The following XKR6 variants were observed in gnomAD, a reference collection of about 807,000 sequenced individuals.
XKR6 encodes the protein XK-related protein 6.
Under a neutral mutation model 56.7 loss-of-function variants are expected in XKR6, and 22 were observed. The observed-to-expected ratio is 0.39, with a 90% CI of 0.28 to 0.55. The LOEUF (loss-of-function observed/expected upper bound fraction) is 0.55. Among genes scored for constraint, XKR6 ranks in the 20% least tolerant of loss-of-function variants. XKR6 has a pLI of 0.66. For synonymous variants in XKR6, 524 were observed against 387.8 expected (o/e 1.35, Z -4.13); for missense variants, 852 against 889.0 (o/e 0.96, Z 0.53).
intron 1 of XKR6, among the ~76,000 whole-genome samples, chr8:11,196,237 C>T (rs912117805): frequency 6.6e-6 from 1 of 152,140 alleles, no homozygotes; most frequent in African/African-American, 2.4e-5. Context: ...GTTATGTTTC[C>T]TCAAGCCTAT....
intron 1 of XKR6, among the ~76,000 whole-genome samples, chr8:11,012,374 A>G (rs1367973977): frequency 2.6e-5 from 4 of 152,220 alleles, no homozygotes. Context: ...GACAGCACCT[A>G]TATCTTAAGA....
rs1804140464 is a variant in XKR6 at position 11,200,357 on chromosome 8, G to C, written c.764+219C>G. On this transcript the variant is annotated intron_variant, in intron 1 of 2. Transcript: ENST00000416569. The surrounding 1 kb of genome is among the most constrained non-coding windows in gnomAD (Gnocchi z 6.4). ...CCCGCCGAGTGCGAAGCGGGGACGA[G>C]GACGGGCCAACGGCAGGTCTCGGCC... is the stretch of plus-strand genomic sequence containing the variant. Among the ~76,000 whole-genome samples the C allele has an allele frequency of 6.6e-6, 1 of 152,234 alleles. No homozygotes were observed. Among genetic ancestry groups the C allele is most frequent in the African/African-American group, 2.4e-5 (1 of 41,466 alleles).
At chr8:11,112,217 T>C (rs1255544236) in intron 1 of XKR6, among the ~76,000 whole-genome samples, 1 of 152,240 alleles carries the variant, frequency 6.6e-6, no homozygotes, top group Non-Finnish European at 1.5e-5. Context: ...GTTGTCATCA[T>C]GGTGACAGAC....
chr8:11,071,911 C>T (rs1354226522), intron 1 of XKR6, among the ~76,000 whole-genome samples: 1 of 152,210 alleles, frequency 6.6e-6, no homozygotes, highest in South Asian at 2.1e-4. Context: ...AATATATGCA[C>T]TACACCAAGA....
At chr8:10,922,635 G>C (rs533257788) in intron 2 of XKR6, among the ~76,000 whole-genome samples, 1 of 152,262 alleles carries the variant, frequency 6.6e-6, no homozygotes, top group South Asian at 2.1e-4. Flanking sequence ...TTTTCTCAGC[G>C]ATCCTGTGAG....
chr8:11,187,150 T>C (rs529834685), intron 1 of XKR6, among the ~76,000 whole-genome samples: 86 of 152,340 alleles, frequency 5.6e-4, no homozygotes, highest in African/African-American at 2.0e-3. Flanking sequence ...GTAAAACCAT[T>C]CCTGCTTCAT....
At chr8:11,110,126 C>T (rs563028690) in intron 1 of XKR6, among the ~76,000 whole-genome samples, 2 of 152,100 alleles carry the variant, frequency 1.3e-5, no homozygotes, top group Non-Finnish European at 2.9e-5. Context: ...GTGCCCGCCA[C>T]CACATCCGGC....
chr8:10,980,989 A>G (rs564626991), intron 1 of XKR6, among the ~76,000 whole-genome samples: 1 of 152,050 alleles, frequency 6.6e-6, no homozygotes, highest in South Asian at 2.1e-4. Context: ...AAAAAAAAAG[A>G]GAAGAGCCCA....
chr8:11,107,150 T>C lies in XKR6; in HGVS notation c.764+93426A>G, dbSNP rs188357612. ...AAAGGGCTAGAAAGGAACTGTACTA[T>C]GATTACTTGGCAAAGAAAAGCAACA... On this transcript the variant is annotated intron_variant, in intron 1 of 2. Transcript: ENST00000416569. Among the ~76,000 whole-genome samples, 17 of 151,736 alleles carry C rather than the reference T, an allele frequency of 1.1e-4. No homozygotes were observed. In the East Asian group the frequency reaches 2.9e-3, roughly 26 times the overall value.
At chr8:10,955,319 T>G (rs1169919613) in intron 1 of XKR6, among the ~76,000 whole-genome samples, 1 of 152,230 alleles carries the variant, frequency 6.6e-6, no homozygotes, top group East Asian at 1.9e-4. Flanking sequence ...ATTATAGGTG[T>G]GTGCCGACAT....
At chr8:11,081,865 G>A (rs1487083333) in intron 1 of XKR6, among the ~76,000 whole-genome samples, 1 of 152,222 alleles carries the variant, frequency 6.6e-6, no homozygotes, top group Admixed American at 6.5e-5. Context: ...CTTGGCCTGT[G>A]TCAAAGACAA....
intron 1 of XKR6, among the ~76,000 whole-genome samples, chr8:11,009,466 T>C (rs1041661868): frequency 3.3e-5 from 5 of 152,266 alleles, no homozygotes; most frequent in African/African-American, 1.2e-4. Context: ...GAAGAGATCA[T>C]ACCATTGTAC....
At chr8:10,951,233 T>C (rs1801709921) in intron 1 of XKR6, among the ~76,000 whole-genome samples, 1 of 146,878 alleles carries the variant, frequency 6.8e-6, no homozygotes, top group Admixed American at 6.8e-5. Context: ...TGATGGAAAC[T>C]CATGCTGGGG....
intron 1 of XKR6, among the ~76,000 whole-genome samples, chr8:11,083,843 T>G (rs1055033387): frequency 1.3e-5 from 2 of 152,190 alleles, no homozygotes; most frequent in African/African-American, 2.4e-5. Context: ...GTATGCCCAC[T>G]ATGATTACAT....
chr8:11,022,944 C>T lies in XKR6; in HGVS notation c.765-98114G>A, dbSNP rs555521920. On this transcript the variant is annotated intron_variant, in intron 1 of 2. Transcript: ENST00000416569. ...AACTCAAGGCCGTGACCCACAGACA[C>T]ACAGGAAAGGCAGTCCCCTCCCTCC... is the stretch of plus-strand genomic sequence containing the variant. Among the ~76,000 whole-genome samples, 206 of 152,324 alleles carry T rather than the reference C, an allele frequency of 1.4e-3. 2 individuals are homozygous for T. Among genetic ancestry groups the T allele is most frequent in the Non-Finnish European group, 2.0e-3 (135 of 68,032 alleles).
intron 1 of XKR6, among the ~76,000 whole-genome samples, chr8:11,014,840 A>T (rs1262059481): frequency 1.3e-5 from 2 of 152,138 alleles, no homozygotes; most frequent in Non-Finnish European, 2.9e-5. Context: ...CTGAATCCAA[A>T]ATTAATAATG....
At chr8:10,951,298 TG>T (rs758861550) in intron 1 of XKR6, among the ~76,000 whole-genome samples, 5,405 of 84,512 alleles carry the variant, frequency 0.064, 173 homozygotes, top group East Asian at 0.26. Flanking sequence ...TGTGTGTGTG[TG>T]GGGGGGGGGG....
chr8:11,136,440 G>A (rs1196129784), intron 1 of XKR6, among the ~76,000 whole-genome samples: 1 of 150,558 alleles, frequency 6.6e-6, no homozygotes, highest in Non-Finnish European at 1.5e-5. Context: ...GGGGGCGGAG[G>A]TTGTGGTGAG....
intron 1 of XKR6, among the ~76,000 whole-genome samples, chr8:10,967,202 T>C (rs1046948834): frequency 6.6e-6 from 1 of 152,228 alleles, no homozygotes; most frequent in Non-Finnish European, 1.5e-5. Context: ...ATTCATCTTC[T>C]CTGGGGCTCA....
Sources: gnomAD v4.1 joint callset for allele counts (sites outside exome capture counted in the v4.1 genomes callset) on GRCh38, gnomAD v4.1.1 for gene constraint, Gnocchi (gnomAD v3.1) non-coding constraint, MANE v1.5 for transcripts, NCBI Gene and HGNC (gene_info 2026-07-23, HGNC 2026-07-21) for gene names.